Variants in PLA2R1 observed in about 807,000 individuals in gnomAD.
PLA2R1 encodes phospholipase A2 receptor 1, also known as secretory phospholipase A2 receptor.
In PLA2R1, 158 loss-of-function variants were observed where a neutral mutation model predicts 195.9. That is an observed-to-expected ratio of 0.81 (90% confidence interval 0.71 to 0.92). The LOEUF (loss-of-function observed/expected upper bound fraction) is 0.92, where lower values mean the gene tolerates loss of function less well. PLA2R1 is among the 40% of genes least tolerant of loss of function. PLA2R1 has a pLI of 0.00. For synonymous variants in PLA2R1, 586 were observed against 598.2 expected (o/e 0.98, Z 0.30); for missense variants, 1,626 against 1,764.6 (o/e 0.92, Z 1.41).
intron 16 of PLA2R1, 102 bp from the exon 17 acceptor site, chr2:159,976,327 TACACACACACAGGAATTTGAAC>T: frequency 1.4e-6 from 1 of 696,542 alleles, no homozygotes; most frequent in Non-Finnish European, 2.4e-6. Context: ...AATAATTGTA[TACACACACACAGGAATTTGAAC>T]ACACACACAC....
At chr2:160,010,027 T>C (rs1440956946) in intron 10 of PLA2R1, among the ~76,000 whole-genome samples, 1 of 152,130 alleles carries the variant, frequency 6.6e-6, no homozygotes, top group African/African-American at 2.4e-5. Context: ...GGAGGATTAC[T>C]TGAGCCCAGG....
chr2:159,995,039 T>G (rs1280725933), intron 11 of PLA2R1, among the ~76,000 whole-genome samples: 2 of 152,064 alleles, frequency 1.3e-5, no homozygotes, highest in Non-Finnish European at 2.9e-5. Context: ...AGTGGTCAAT[T>G]CATGTAGTTA....
At position 160,020,187 on chromosome 2, in the gene PLA2R1, T is replaced by G; in HGVS notation, c.1371A>C (p.Ser457=). The change falls in exon 8 of 30, where the codon TCA becomes TCC. Residue 457 remains serine, a synonymous_variant. Transcript: ENST00000283243. ...GTGTGTGCCAATTAGTAAAGATGAC[T>G]GAAGAGTCATTAGACCATTCAAAGG... ...PVSFEWSNDS[S]VIFTNWHTLE... 6.2e-7 allele frequency: 1 copy of G among 1,612,538 alleles called. No homozygotes were observed. The highest frequency in any genetic ancestry group is 8.5e-7 in the Non-Finnish European group (1 of 1,178,528).
intron 3 of PLA2R1, among the ~76,000 whole-genome samples, chr2:160,039,757 G>T (rs1410753683): frequency 6.6e-6 from 1 of 151,990 alleles, no homozygotes; most frequent in Non-Finnish European, 1.5e-5. Flanking sequence ...GTGGTAAAGG[G>T]CAGGAGGGCT....
In PLA2R1 at chr2:159,999,469, A is replaced by G. The variant is rs1245362847; in HGVS notation, c.1834+6183T>C. Among the ~76,000 whole-genome samples, 8 of 18,272 alleles carry G rather than the reference A, an allele frequency of 4.4e-4. 4 individuals are homozygous for G. In the East Asian group the frequency reaches 0.016, roughly 37 times the overall value. 12.0% of individuals were successfully genotyped at this position (18,272 alleles called of 152,430 possible). A position where few individuals can be genotyped will look rare whatever the true frequency, so the allele number is the denominator to read the frequency against. ...AAGCTCCGCCTCCCGGGTTCACGCC[A>G]TTCTCCTGCCTCAGCCTCCCAAGTA... On this transcript the variant is annotated intron_variant, in intron 11 of 29. Transcript: ENST00000283243.
chr2:159,978,137 T>C (rs918084671), intron 14 of PLA2R1, among the ~76,000 whole-genome samples: 15 of 152,128 alleles, frequency 9.9e-5, no homozygotes, highest in Non-Finnish European at 2.1e-4. Context: ...TTTGAACATA[T>C]GCTAAGTTTT....
Position 160,031,604 on chromosome 2 carries a change from C to T in PLA2R1, c.841+1355G>A, listed in dbSNP as rs184104085. Among the ~76,000 whole-genome samples the T allele has an allele frequency of 4.7e-3, 712 of 152,236 alleles. 3 individuals carry two copies. Among genetic ancestry groups the T allele is most frequent in the African/African-American group, 0.016 (656 of 41,540 alleles). ...TAGAAGGGGAAATTGAGGCACAGAG[C>T]GGTTAAATCACTTGCTTGAGTAACC... On this transcript the variant is annotated intron_variant, in intron 4 of 29. Transcript: ENST00000283243.
At chr2:159,968,080 T>G (rs1688903426) in intron 19 of PLA2R1, among the ~76,000 whole-genome samples, 1 of 152,172 alleles carries the variant, frequency 6.6e-6, no homozygotes, top group Non-Finnish European at 1.5e-5. Flanking sequence ...TACTTTATAA[T>G]TCTTTAGAAA....
chr2:159,984,864 T>C (rs977011222), intron 12 of PLA2R1, among the ~76,000 whole-genome samples: 1 of 152,214 alleles, frequency 6.6e-6, no homozygotes, highest in African/African-American at 2.4e-5. Context: ...AGGTACACCC[T>C]GTGGCCAGCC....
intron 12 of PLA2R1, 38 bp downstream of exon 12, chr2:159,987,118 T>C (rs1690401732): frequency 1.4e-6 from 2 of 1,461,034 alleles, no homozygotes; most frequent in Non-Finnish European, 1.9e-6. Flanking sequence ...AAAATAGTGT[T>C]GGTCCTGTTA....
chr2:159,941,742 T>C lies in PLA2R1; in HGVS notation c.*36A>G. On this transcript the variant is annotated 3_prime_UTR_variant, in exon 30 of 30. Transcript: ENST00000283243. Reference sequence around the variant, plus strand: ...GAGACTCCTGTTTAGTCTTCTTTACTTACCCTGGTGTCTGTGGCATTCTCT... The same window carrying C: ...GAGACTCCTGTTTAGTCTTCTTTACCTACCCTGGTGTCTGTGGCATTCTCT... 8.7e-7 allele frequency: 1 copy of C among 1,154,630 alleles called. No individual in the cohort carries two copies. Among genetic ancestry groups the C allele is most frequent in the Non-Finnish European group, 1.3e-6 (1 of 769,184 alleles). The allele number at this position is 1,154,630 out of a possible 1,614,324, so 71.5% of individuals were successfully genotyped here. A position where few individuals can be genotyped will look rare whatever the true frequency, so the allele number is the denominator to read the frequency against.
intron 1 of PLA2R1, among the ~76,000 whole-genome samples, chr2:160,047,206 A>G (rs962136244): frequency 6.6e-6 from 1 of 152,174 alleles, no homozygotes; most frequent in African/African-American, 2.4e-5. Context: ...AGATTGCTCC[A>G]TCTCAGTGAG....
chr2:160,007,860 T>C (rs1320070317), intron 10 of PLA2R1, among the ~76,000 whole-genome samples: 2 of 152,196 alleles, frequency 1.3e-5, no homozygotes, highest in Admixed American at 6.5e-5. Flanking sequence ...AAAATCCCAA[T>C]GATATCTTTT....
At chr2:160,006,131 T>C (rs1691965951) in intron 10 of PLA2R1, among the ~76,000 whole-genome samples, 1 of 152,160 alleles carries the variant, frequency 6.6e-6, no homozygotes, top group South Asian at 2.1e-4. Flanking sequence ...CAGCAATGCA[T>C]TTCTTGGAGT....
In PLA2R1 at chr2:159,989,557, C is replaced by A. The variant is rs192576963; in HGVS notation, c.1835-2199G>T. ...TTGGGGTTCTAGTCTCAGCACAAAT[C>A]TTTAGTAACTGGAAACTTGAGGATG... On this transcript the variant is annotated intron_variant, in intron 11 of 29. Coordinates refer to ENST00000283243, the MANE Select transcript of PLA2R1 (RefSeq NM_007366.5). 1.2e-4 allele frequency among the ~76,000 whole-genome samples: 19 copies of A among 152,290 alleles called. No individual in the cohort carries two copies. The East Asian group carries it at 2.5e-3, about 20-fold the overall frequency.
intron 17 of PLA2R1, among the ~76,000 whole-genome samples, chr2:159,975,107 T>C (rs1466498921): frequency 6.6e-6 from 1 of 152,196 alleles, no homozygotes; most frequent in Admixed American, 6.5e-5. Context: ...ATGCCCCCAT[T>C]GTAATTTGCA....
At chr2:160,040,454 G>A (rs992770640) in intron 3 of PLA2R1, among the ~76,000 whole-genome samples, 1 of 152,126 alleles carries the variant, frequency 6.6e-6, no homozygotes, top group African/African-American at 2.4e-5. Flanking sequence ...GATGTATATT[G>A]CATAGAATTA....
chr2:160,002,022 T>C (rs1336419842), intron 11 of PLA2R1, among the ~76,000 whole-genome samples: 2 of 151,406 alleles, frequency 1.3e-5, no homozygotes, highest in Non-Finnish European at 3.0e-5. Context: ...CAAGTACATA[T>C]GGGATATATA....
At chr2:159,989,120 G>A (rs1470580315) in intron 11 of PLA2R1, among the ~76,000 whole-genome samples, 3 of 152,160 alleles carry the variant, frequency 2.0e-5, no homozygotes, top group Non-Finnish European at 4.4e-5. Flanking sequence ...AGGAAGAGTT[G>A]GTGCATCCAA....
Sources: gnomAD v4.1 joint callset for allele counts (sites outside exome capture counted in the v4.1 genomes callset) on GRCh38, gnomAD v4.1.1 for gene constraint, MANE v1.5 for transcripts, NCBI Gene and HGNC (gene_info 2026-07-23, HGNC 2026-07-21) for gene names.